Variants in PCCA observed in about 807,000 individuals in gnomAD.
PCCA encodes the protein propionyl-CoA carboxylase alpha chain, mitochondrial.
PCCA carries 74 observed loss-of-function variants against 101.3 expected under a neutral mutation model. The observed-to-expected ratio is 0.73, with a 90% CI of 0.61 to 0.89. PCCA has a LOEUF of 0.89. Ranked by LOEUF, PCCA falls within the 40% of genes least tolerant of loss-of-function variation. PCCA has a pLI of 0.00. For synonymous variants in PCCA, 294 were observed against 313.6 expected (o/e 0.94, Z 0.66); for missense variants, 891 against 907.0 (o/e 0.98, Z 0.23).
At chr13:100,138,527 A>G (rs2051455343) in intron 4 of PCCA, among the ~76,000 whole-genome samples, 1 of 152,134 alleles carries the variant, frequency 6.6e-6, no homozygotes, top group African/African-American at 2.4e-5. Context: ...CTCTTCCTTC[A>G]TTCCTTATGT....
chr13:100,506,059 G>A (rs957843820), intron 21 of PCCA, among the ~76,000 whole-genome samples: 1 of 152,186 alleles, frequency 6.6e-6, no homozygotes, highest in Non-Finnish European at 1.5e-5. Flanking sequence ...ATCTGTCTGA[G>A]AAGGAGGTAA....
rs1490352770 is a variant in PCCA, at chr13:100,506,253, G to A, written c.1900-9174G>A. The stretch of plus-strand genomic sequence containing the variant: ...GTGTGTTCTGTACACAGCACAGCAT[G>A]AGGGTGCCAGCAGTCCTCCTTGGCT... On this transcript the variant is annotated intron_variant, in intron 21 of 23. Coordinates refer to ENST00000376285, the MANE Select transcript of PCCA (RefSeq NM_000282.4). Among the ~76,000 whole-genome samples the A allele has an allele frequency of 2.6e-5, 4 of 151,976 alleles. No individual in the cohort carries two copies. In the South Asian group the frequency reaches 8.3e-4, roughly 32 times the overall value.
intron 21 of PCCA, chr13:100,490,429 C>T (rs540401305): frequency 7.2e-5 from 11 of 152,362 alleles, no homozygotes; most frequent in African/African-American, 2.6e-4. Flanking sequence ...AAGACCCTCA[C>T]ACTTTGGAGG....
intron 19 of PCCA, among the ~76,000 whole-genome samples, chr13:100,414,548 C>T (rs927576543): frequency 7.2e-5 from 11 of 152,086 alleles, no homozygotes; most frequent in East Asian, 3.8e-4. Context: ...AGCACTGAAG[C>T]GAGTGACTTA....
chr13:100,515,716 C>T (rs1224450896), intron 22 of PCCA, 149 bp downstream of exon 22: 3 of 902,238 alleles, frequency 3.3e-6, no homozygotes, highest in African/African-American at 1.6e-5. Flanking sequence ...CGTGTGTTGT[C>T]GACCTGTTTC....
At chr13:100,466,858 A>G (rs1234236380) in intron 21 of PCCA, among the ~76,000 whole-genome samples, 2 of 149,498 alleles carry the variant, frequency 1.3e-5, no homozygotes, top group Non-Finnish European at 2.9e-5. Context: ...AGTCCGTCTC[A>G]AAAAACAAAA....
At chr13:100,430,314 G>C (rs1021234992) in intron 20 of PCCA, among the ~76,000 whole-genome samples, 2 of 151,854 alleles carry the variant, frequency 1.3e-5, no homozygotes, top group African/African-American at 4.8e-5. Flanking sequence ...AGTGCTATTT[G>C]TATCATTCTT....
intron 20 of PCCA, among the ~76,000 whole-genome samples, chr13:100,443,449 CAAA>C (rs772576793): frequency 8.0e-6 from 1 of 124,714 alleles, no homozygotes; most frequent in Non-Finnish European, 1.7e-5. Flanking sequence ...GAGACACTGT[CAAA>C]AAAAAAAAAA....
At chr13:100,365,730 C>G (rs371932450) in intron 18 of PCCA, among the ~76,000 whole-genome samples, 2 of 152,070 alleles carry the variant, frequency 1.3e-5, no homozygotes, top group East Asian at 3.9e-4. Context: ...GAATATAGGC[C>G]GAGAGCCGGG....
chr13:100,199,022 G>T (rs1374688797), intron 6 of PCCA, among the ~76,000 whole-genome samples: 1 of 151,652 alleles, frequency 6.6e-6, no homozygotes, highest in Non-Finnish European at 1.5e-5. Context: ...CCTAGTCCGT[G>T]TGTTGATTTC....
chr13:100,276,762 G>A (rs1245692428), intron 12 of PCCA, among the ~76,000 whole-genome samples: 1 of 151,738 alleles, frequency 6.6e-6, no homozygotes, highest in Non-Finnish European at 1.5e-5. Context: ...TGATTCATTG[G>A]TTTTTATCTT....
chr13:100,348,666 GT>G (rs531799555), intron 18 of PCCA, among the ~76,000 whole-genome samples: 1 of 151,972 alleles, frequency 6.6e-6, no homozygotes, highest in South Asian at 2.1e-4. Context: ...CAAAATGTCT[GT>G]TTTTTCTTGG....
intron 20 of PCCA, among the ~76,000 whole-genome samples, chr13:100,449,031 G>A (rs2081036144): frequency 6.6e-6 from 1 of 152,184 alleles, no homozygotes. Context: ...CTTATTAAGT[G>A]GAATCATATA....
chr13:100,201,687 G>A (rs1435438562), intron 6 of PCCA, among the ~76,000 whole-genome samples: 5 of 151,490 alleles, frequency 3.3e-5, no homozygotes, highest in African/African-American at 4.9e-5. Flanking sequence ...GTGAAACCCC[G>A]TCCCTACTAA....
intron 4 of PCCA, among the ~76,000 whole-genome samples, chr13:100,130,514 C>T (rs1398534412): frequency 6.6e-6 from 1 of 152,150 alleles, no homozygotes; most frequent in Non-Finnish European, 1.5e-5. Context: ...AAAGCACTCT[C>T]GAGGTGTGGG....
At chr13:100,507,144 G>A (rs576767302) in intron 21 of PCCA, among the ~76,000 whole-genome samples, 22 of 152,252 alleles carry the variant, frequency 1.4e-4, no homozygotes, top group Middle Eastern at 3.4e-3. Flanking sequence ...CATTATAGTC[G>A]TAATGTGTCA....
chr13:100,422,577 C>G (rs2152889867), intron 19 of PCCA, among the ~76,000 whole-genome samples: 1 of 152,294 alleles, frequency 6.6e-6, no homozygotes, highest in Middle Eastern at 3.4e-3. Context: ...CCTCTTTGGA[C>G]AGTTACATAT....
intron 6 of PCCA, among the ~76,000 whole-genome samples, chr13:100,185,021 T>G (rs926604251): frequency 6.6e-6 from 1 of 152,238 alleles, no homozygotes; most frequent in Admixed American, 6.5e-5. Context: ...GCACATAATG[T>G]AAATGTACAG....
At chr13:100,363,543 C>T (rs1444495487) in intron 18 of PCCA, among the ~76,000 whole-genome samples, 1 of 152,158 alleles carries the variant, frequency 6.6e-6, no homozygotes, top group Non-Finnish European at 1.5e-5. Flanking sequence ...TTTCTGAAGG[C>T]CTTTTTCTTC....
Sources: allele counts gnomAD v4.1 joint callset (sites outside exome capture counted in the v4.1 genomes callset), GRCh38; gene constraint gnomAD v4.1.1; transcripts MANE v1.5; gene names NCBI Gene and HGNC (gene_info 2026-07-23, HGNC 2026-07-21).